EPHA6: variants seen among roughly 807,000 people sequenced by gnomAD.
EPHA6 encodes EPH receptor A6, also known as ephrin type-A receptor 6.
A neutral mutation model predicts 112.0 loss-of-function variants in EPHA6; 50 were observed. The observed-to-expected ratio is 0.45, with a 90% CI of 0.36 to 0.56. The LOEUF is 0.56. EPHA6 is among the 20% of genes least tolerant of loss of function. The pLI is 0.00. For missense variants in EPHA6, 1,280 were observed against 1,417.4 expected (o/e 0.90, Z 1.56); for synonymous variants, 529 against 490.7 (o/e 1.08, Z -1.03).
At chr3:97,356,128 A>G (rs2108912253) in intron 5 of EPHA6, among the ~76,000 whole-genome samples, 1 of 152,274 alleles carries the variant, frequency 6.6e-6, no homozygotes, top group East Asian at 1.9e-4. Flanking sequence ...GTAGAATCAG[A>G]TTCTCATAGG....
At chr3:97,470,814 G>C (rs1418717417) in intron 7 of EPHA6, among the ~76,000 whole-genome samples, 1 of 151,540 alleles carries the variant, frequency 6.6e-6, no homozygotes. Context: ...ATCATAGAAT[G>C]AAATATATCA....
intron 5 of EPHA6, among the ~76,000 whole-genome samples, chr3:97,288,356 G>A (rs763013476): frequency 2.0e-5 from 3 of 152,138 alleles, no homozygotes; most frequent in Non-Finnish European, 4.4e-5. Flanking sequence ...CCTTTCCTGT[G>A]TAAATTCACT....
At chr3:97,534,157 T>C (rs181280753) in intron 11 of EPHA6, among the ~76,000 whole-genome samples, 1 of 152,260 alleles carries the variant, frequency 6.6e-6, no homozygotes, top group East Asian at 1.9e-4. Flanking sequence ...ATCTGTAAAA[T>C]GGGACAGGAA....
intron 3 of EPHA6, among the ~76,000 whole-genome samples, chr3:96,996,249 A>G (rs1269816079): frequency 6.6e-6 from 1 of 152,048 alleles, no homozygotes; most frequent in Non-Finnish European, 1.5e-5. Context: ...TTCTCTTGCT[A>G]TATCCACAAC....
chr3:97,360,242 T>C (rs1395157238), intron 5 of EPHA6, among the ~76,000 whole-genome samples: 1 of 151,524 alleles, frequency 6.6e-6, no homozygotes, highest in East Asian at 1.9e-4. Flanking sequence ...TGAAATCAAC[T>C]TCAATTTATC....
intron 2 of EPHA6, among the ~76,000 whole-genome samples, chr3:96,941,294 G>A (rs554983242): frequency 8.8e-4 from 134 of 152,080 alleles, no homozygotes; most frequent in African/African-American, 2.8e-3. Flanking sequence ...GGCTTTGTTC[G>A]TTTCTTTTTA....
intron 3 of EPHA6, among the ~76,000 whole-genome samples, chr3:97,127,452 G>T (rs1038329741): frequency 1.3e-5 from 2 of 152,230 alleles, no homozygotes; most frequent in African/African-American, 4.8e-5. Flanking sequence ...GGGCACTGTG[G>T]CTCACACCTG....
At chr3:96,911,359 C>CA (rs1559823789) in intron 2 of EPHA6, among the ~76,000 whole-genome samples, 1 of 152,012 alleles carries the variant, frequency 6.6e-6, no homozygotes, top group Non-Finnish European at 1.5e-5. Flanking sequence ...AAGTTAATCT[C>CA]ACTTTAATGT....
chr3:96,824,886 C>G (rs1004523635), intron 1 of EPHA6, among the ~76,000 whole-genome samples: 1 of 151,876 alleles, frequency 6.6e-6, no homozygotes, highest in African/African-American at 2.4e-5. Flanking sequence ...CCAGCTCCCC[C>G]GCCCCTGCCC....
chr3:96,911,765 C>T (rs1344214306), intron 2 of EPHA6, among the ~76,000 whole-genome samples: 1 of 151,978 alleles, frequency 6.6e-6, no homozygotes, highest in African/African-American at 2.4e-5. Flanking sequence ...ATGATTGGCT[C>T]TCTGTATAAC....
chr3:97,434,760 C>T (rs2089726909), intron 6 of EPHA6, among the ~76,000 whole-genome samples: 1 of 152,110 alleles, frequency 6.6e-6, no homozygotes, highest in South Asian at 2.1e-4. Context: ...GGCAGCTCAT[C>T]TCTGCTTCAC....
intron 3 of EPHA6, among the ~76,000 whole-genome samples, chr3:97,149,883 T>C (rs1473403242): frequency 2.0e-5 from 3 of 149,830 alleles, no homozygotes; most frequent in Non-Finnish European, 4.4e-5. Flanking sequence ...TTATATATAA[T>C]ATATATAAAA....
chr3:97,002,218 G>A (rs566534304), intron 3 of EPHA6, among the ~76,000 whole-genome samples: 1 of 151,490 alleles, frequency 6.6e-6, no homozygotes, highest in South Asian at 2.1e-4. Context: ...TTTAATAATT[G>A]CATTATGACC....
At chr3:97,076,188 C>G (rs539448999) in intron 3 of EPHA6, among the ~76,000 whole-genome samples, 27 of 152,114 alleles carry the variant, frequency 1.8e-4, no homozygotes, top group Non-Finnish European at 3.8e-4. Context: ...AGGCTCAAAG[C>G]TAATCTTTTT....
At chr3:96,824,783 A>G (rs2033534162) in intron 1 of EPHA6, among the ~76,000 whole-genome samples, 1 of 152,070 alleles carries the variant, frequency 6.6e-6, no homozygotes, top group Non-Finnish European at 1.5e-5. Context: ...ATTAATATAC[A>G]GAGACGTTGA....
At chr3:96,863,222 T>C (rs1185447497) in intron 1 of EPHA6, among the ~76,000 whole-genome samples, 3 of 151,974 alleles carry the variant, frequency 2.0e-5, no homozygotes, top group Admixed American at 1.3e-4. Context: ...AAGTATTGGC[T>C]TTTTTACTGA....
chr3:97,170,736 C>T (rs373160365), intron 3 of EPHA6, among the ~76,000 whole-genome samples: 42 of 136,904 alleles, frequency 3.1e-4, no homozygotes, highest in African/African-American at 1.3e-3. Context: ...GCCGATGTCT[C>T]AAAAAAGAAA....
chr3:96,953,468 C>A (rs1488032696), intron 2 of EPHA6, among the ~76,000 whole-genome samples: 2 of 152,096 alleles, frequency 1.3e-5, no homozygotes, highest in Non-Finnish European at 2.9e-5. Flanking sequence ...CAAAAATACT[C>A]CAATAATACA....
chr3:96,820,963 T>C (rs2033209375), intron 1 of EPHA6, among the ~76,000 whole-genome samples: 1 of 151,886 alleles, frequency 6.6e-6, no homozygotes, highest in South Asian at 2.1e-4. Context: ...ATTACTGTTA[T>C]TGAAAACACA....
Sources: allele counts gnomAD v4.1 joint callset (sites outside exome capture counted in the v4.1 genomes callset), GRCh38; gene constraint gnomAD v4.1.1; transcripts MANE v1.5; gene names NCBI Gene and HGNC (gene_info 2026-07-23, HGNC 2026-07-21).